The following C14orf39 variants were observed in gnomAD, a reference collection of about 807,000 sequenced individuals.
C14orf39 encodes protein SIX6OS1.
In C14orf39, 66 loss-of-function variants were observed where a neutral mutation model predicts 85.6. The ratio of observed to expected loss-of-function variants is 0.77; its 90% CI spans 0.63 to 0.95. The LOEUF is 0.95. C14orf39 is among the 40% of genes least tolerant of loss of function. The probability of loss-of-function intolerance (pLI) is 0.00; values close to 1 mark genes in which losing one functional copy is unlikely to be tolerated. For synonymous variants in C14orf39, 242 were observed against 214.0 expected (o/e 1.13, Z -1.14); for missense variants, 735 against 663.9 (o/e 1.11, Z -1.18).
upstream of C14orf39, among the ~76,000 whole-genome samples, chr14:60,487,337 C>T (rs909243598): frequency 3.3e-5 from 5 of 152,168 alleles, no homozygotes; most frequent in African/African-American, 1.2e-4. Context: ...TCTATGGGCT[C>T]AGCTTTTTCA....
At chr14:60,480,633 A>C (rs927078399) in intron 4 of C14orf39, among the ~76,000 whole-genome samples, 1 of 152,196 alleles carries the variant, frequency 6.6e-6, no homozygotes, top group Non-Finnish European at 1.5e-5. Flanking sequence ...AAATCAGTAC[A>C]TCGAAGAGAT....
chr14:60,453,306 C>T (rs1595451991), intron 16 of C14orf39, among the ~76,000 whole-genome samples: 1 of 151,902 alleles, frequency 6.6e-6, no homozygotes, highest in Non-Finnish European at 1.5e-5. Context: ...CTTTATGAAA[C>T]GTCCCTCTCA....
intron 1 of C14orf39, among the ~76,000 whole-genome samples, chr14:60,502,524 T>A (rs1893161166): frequency 6.6e-6 from 1 of 152,200 alleles, no homozygotes; most frequent in African/African-American, 2.4e-5. Context: ...AGACATATTA[T>A]CTTACATTAA....
At position 60,436,216 on chromosome 14, in the gene C14orf39, C is replaced by T. The variant is rs567430809; in HGVS notation, c.*629G>A. On this transcript the variant is annotated 3_prime_UTR_variant, in exon 18 of 18. Transcript: ENST00000321731. ...ACAGGATCACCACTGATACAACAAT[C>T]CAATTTTCAGAAATTACTCTTGCCC... 6.6e-6 allele frequency: 1 copy of T among 152,004 alleles called. No individual in the cohort carries two copies. 9.4% of individuals were successfully genotyped at this position (152,004 alleles called of 1,614,324 possible).
chr14:60,465,910 C>T, intron 11 of C14orf39, 69 bp downstream of exon 11: 3 of 710,212 alleles, frequency 4.2e-6, no homozygotes, highest in Non-Finnish European at 4.5e-6. Context: ...GTCTTAAGGG[C>T]AGTACATTCA....
chr14:60,503,130 C>T (rs1893166334), intron 1 of C14orf39, among the ~76,000 whole-genome samples: 2 of 152,198 alleles, frequency 1.3e-5, no homozygotes, highest in African/African-American at 4.8e-5. Flanking sequence ...TCCTTAGAGG[C>T]TGCATTCAGT....
intron 16 of C14orf39, 122 bp downstream of exon 16, chr14:60,454,879 G>T: frequency 1.4e-6 from 1 of 731,594 alleles, no homozygotes; most frequent in Non-Finnish European, 2.1e-6. Flanking sequence ...TCAATACTCA[G>T]AATTTTTTTA....
At chr14:60,444,493 T>C (rs1890670533) in intron 16 of C14orf39, among the ~76,000 whole-genome samples, 1 of 151,744 alleles carries the variant, frequency 6.6e-6, no homozygotes, top group African/African-American at 2.4e-5. Flanking sequence ...GAAGACAAGA[T>C]TAGAGAAAAA....
chr14:60,485,619 T>G (rs1279410093), intron 1 of C14orf39, among the ~76,000 whole-genome samples: 2 of 152,198 alleles, frequency 1.3e-5, no homozygotes. Flanking sequence ...CATTACGGCA[T>G]ACGCCTGAGG....
intron 2 of C14orf39, chr14:60,496,161 TCA>T (rs1463186584): frequency 1.5e-5 from 7 of 473,504 alleles, no homozygotes. Context: ...CTATAGAGTA[TCA>T]CACTCCTCCC....
intron 17 of C14orf39, among the ~76,000 whole-genome samples, chr14:60,438,191 C>T (rs868141695): frequency 1.3e-5 from 2 of 152,006 alleles, no homozygotes; most frequent in African/African-American, 4.8e-5. Flanking sequence ...TTAAACATCT[C>T]AATTATTTCA....
At chr14:60,448,179 CA>C (rs1364074758) in intron 16 of C14orf39, among the ~76,000 whole-genome samples, 1 of 152,014 alleles carries the variant, frequency 6.6e-6, no homozygotes, top group Non-Finnish European at 1.5e-5. Flanking sequence ...CAACAAAAGC[CA>C]AAATAGACAA....
chr14:60,472,892 T>A (rs1425146275), intron 5 of C14orf39, among the ~76,000 whole-genome samples: 2 of 152,230 alleles, frequency 1.3e-5, no homozygotes, highest in East Asian at 1.9e-4. Context: ...TATAGCAGCA[T>A]GATTTATAAT....
intron 2 of C14orf39, among the ~76,000 whole-genome samples, chr14:60,498,986 C>G (rs1470145040): frequency 6.6e-6 from 1 of 152,100 alleles, no homozygotes; most frequent in Non-Finnish European, 1.5e-5. Flanking sequence ...GGGCCGGGCA[C>G]GGTGGCTCAC....
intron 16 of C14orf39, among the ~76,000 whole-genome samples, chr14:60,453,609 G>A (rs544691670): frequency 1.1e-4 from 17 of 151,198 alleles, no homozygotes; most frequent in African/African-American, 3.4e-4. Flanking sequence ...TTTTTACTGT[G>A]TGTATTTTTT....
At position 60,455,094 on chromosome 14, in the gene C14orf39, A is replaced by C; in HGVS notation, c.1410T>G (p.Pro470=). ...VPEVQTEKES[P]GLSFLMSYTS... is the part of the protein sequence containing the mutation. The stretch of plus-strand genomic sequence containing the variant: ...TATAACTCATAAGAAAAGAAAGTCC[A>C]GGGGATTCCTTTTCTGTTTGAACTT... The change falls in exon 16 of 18, where the codon CCT becomes CCG. Residue 470 remains proline, a synonymous_variant. Transcript: ENST00000321731. 6.4e-7 allele frequency: 1 copy of C among 1,573,928 alleles called. No individual in the cohort carries two copies. The highest frequency in any genetic ancestry group is 1.4e-5 in the African/African-American group (1 of 71,796).
At chr14:60,494,085 T>C (rs1323352713) in intron 2 of C14orf39, 3 of 297,416 alleles carry the variant, frequency 1.0e-5, no homozygotes, top group South Asian at 4.5e-5. Flanking sequence ...AAGGCCACCA[T>C]TGAGCATGCT....
At position 60,436,924 on chromosome 14, in the gene C14orf39, C is replaced by G; in HGVS notation, c.1685G>C (p.Gly562Ala). The change falls in exon 18 of 18, where the codon GGT becomes GCT. Residue 562 changes from glycine to alanine, a missense_variant. Coordinates refer to ENST00000321731, the MANE Select transcript of C14orf39 (RefSeq NM_174978.3). ...DFSFPFSFGQ[G>A]QNSIPSSSLK... ...AGAAGAAGAAGGTATTGAATTTTGA[C>G]CCTGTCCAAATGAAAATGGAAAACT... 1.2e-6 allele frequency: 2 copies of G among 1,612,506 alleles called. No homozygotes were observed. The highest frequency in any genetic ancestry group is 1.7e-6 in the Non-Finnish European group (2 of 1,178,978).
chr14:60,477,233 A>G (rs1456436810), intron 5 of C14orf39, among the ~76,000 whole-genome samples: 1 of 152,102 alleles, frequency 6.6e-6, no homozygotes, highest in East Asian at 1.9e-4. Flanking sequence ...TGCTCCATAC[A>G]TTTCCATGGG....
Sources: allele counts gnomAD v4.1 joint callset (sites outside exome capture counted in the v4.1 genomes callset), GRCh38; gene constraint gnomAD v4.1.1; transcripts MANE v1.5; gene names NCBI Gene and HGNC (gene_info 2026-07-23, HGNC 2026-07-21).